CTNNA2: variants seen among roughly 807,000 people sequenced by gnomAD.
CTNNA2 encodes catenin alpha-2.
In CTNNA2, 42 loss-of-function variants were observed where a neutral mutation model predicts 101.0. That is an observed-to-expected ratio of 0.42 (90% CI 0.32 to 0.54). The LOEUF is 0.54. Among genes scored for constraint, CTNNA2 ranks in the 20% least tolerant of loss-of-function variants. The pLI, the probability that CTNNA2 is intolerant of heterozygous loss-of-function variation, is 0.14. For synonymous variants in CTNNA2, 450 were observed against 456.4 expected (o/e 0.99, Z 0.18); for missense variants, 871 against 1,223.1 (o/e 0.71, Z 4.29).
At chr2:80,596,290 T>TTTG in intron 15 of CTNNA2, among the ~76,000 whole-genome samples, 1 of 37,634 alleles carries the variant, frequency 2.7e-5, no homozygotes, top group Non-Finnish European at 5.0e-5. Context: ...TTTTTTTTTT[T>TTTG]TTTTTTTTTT....
intron 2 of CTNNA2, among the ~76,000 whole-genome samples, chr2:79,204,762 T>C (rs1674080012): frequency 6.6e-6 from 1 of 152,174 alleles, no homozygotes; most frequent in South Asian, 2.1e-4. Context: ...GATGGTGCCT[T>C]GATTGTTGCA....
intron 7 of CTNNA2, among the ~76,000 whole-genome samples, chr2:79,977,191 C>T (rs974813985): frequency 9.3e-5 from 14 of 151,218 alleles, no homozygotes; most frequent in African/African-American, 3.2e-4. Context: ...TAATTGCAAA[C>T]GTACACACAC....
In CTNNA2 at chr2:79,204,072, C is replaced by T. The variant is rs146920942; in HGVS notation, c.-406+5996C>T. ...TTTCTTCCCTATTAAGGAAATGCTT[C>T]AGCATTTAAAGTAATAATAATGGGA... On this transcript the variant is annotated intron_variant, in intron 2 of 21. Transcript: ENST00000466387. 2.8e-3 allele frequency among the ~76,000 whole-genome samples: 429 copies of T among 152,318 alleles called. 1 individual carries two copies. Among genetic ancestry groups the T allele is most frequent in the African/African-American group, 9.9e-3 (413 of 41,572 alleles).
At chr2:80,321,425 A>G (rs1189318255) in intron 7 of CTNNA2, among the ~76,000 whole-genome samples, 1 of 152,222 alleles carries the variant, frequency 6.6e-6, no homozygotes, top group African/African-American at 2.4e-5. Flanking sequence ...GTGTATATTG[A>G]ACGGAGTACA....
intron 7 of CTNNA2, among the ~76,000 whole-genome samples, chr2:80,179,855 G>C (rs965109196): frequency 1.4e-4 from 22 of 152,146 alleles, no homozygotes; most frequent in Non-Finnish European, 1.0e-4. Context: ...CCAATGTGGG[G>C]GTTCTGCCAG....
intron 7 of CTNNA2, among the ~76,000 whole-genome samples, chr2:79,935,794 A>G (rs1414234794): frequency 6.6e-6 from 1 of 152,260 alleles, no homozygotes; most frequent in Non-Finnish European, 1.5e-5. Context: ...GCAGTAATAA[A>G]TAATACACCT....
At position 80,101,552 on chromosome 2, in the gene CTNNA2, A is replaced by G. The variant is rs78710163; in HGVS notation, c.1056+191755A>G. Among the ~76,000 whole-genome samples the G allele has an allele frequency of 4.5e-4, 69 of 152,280 alleles. No homozygotes were observed. The East Asian group carries it at 0.013, about 29-fold the overall frequency. Reference sequence around the variant, plus strand: ...GTCTATGCGTGATAGCCTAATCCCAATTCTCCTCCTAATAGCGAAAGGAAG... The same window carrying G: ...GTCTATGCGTGATAGCCTAATCCCAGTTCTCCTCCTAATAGCGAAAGGAAG... On this transcript the variant is annotated intron_variant, in intron 7 of 18. Coordinates refer to ENST00000402739, the MANE Select transcript of CTNNA2 (RefSeq NM_001282597.3).
At chr2:80,589,593 A>G in intron 15 of CTNNA2, 108 bp downstream of exon 15, 1 of 988,556 alleles carries the variant, frequency 1.0e-6, no homozygotes, top group South Asian at 1.8e-5. Flanking sequence ...TACCAACGCA[A>G]GGTGGTGGTA....
At chr2:80,255,601 G>A (rs1476549873) in intron 7 of CTNNA2, among the ~76,000 whole-genome samples, 1 of 152,136 alleles carries the variant, frequency 6.6e-6, no homozygotes. Context: ...CGCGGGCCTT[G>A]TCTTGAGATT....
chr2:79,682,083 G>A (rs939564913), intron 2 of CTNNA2, among the ~76,000 whole-genome samples: 3 of 151,786 alleles, frequency 2.0e-5, no homozygotes, highest in Non-Finnish European at 4.4e-5. Context: ...AACTTTTTAG[G>A]CTGAATATTT....
chr2:79,549,289 A>C (rs1429068881), intron 1 of CTNNA2, among the ~76,000 whole-genome samples: 1 of 152,158 alleles, frequency 6.6e-6, no homozygotes, highest in Non-Finnish European at 1.5e-5. Flanking sequence ...GGTTCCTATA[A>C]CTTTCATGCC....
At chr2:79,923,678 C>T (rs952534290) in intron 7 of CTNNA2, among the ~76,000 whole-genome samples, 9 of 152,124 alleles carry the variant, frequency 5.9e-5, no homozygotes, top group East Asian at 5.8e-4. Flanking sequence ...TGCTGTGAAA[C>T]GGATCACTAA....
chr2:79,602,324 T>A (rs1023918037), intron 1 of CTNNA2, among the ~76,000 whole-genome samples: 1 of 152,044 alleles, frequency 6.6e-6, no homozygotes, highest in Non-Finnish European at 1.5e-5. Flanking sequence ...AAGTACTTGA[T>A]AAAATTCAGT....
At chr2:80,146,726 T>A (rs868345168) in intron 7 of CTNNA2, among the ~76,000 whole-genome samples, 1 of 113,254 alleles carries the variant, frequency 8.8e-6, no homozygotes, top group South Asian at 3.5e-4. Context: ...TTTTTTTTTT[T>A]TTTTTTTTTT....
intron 2 of CTNNA2, among the ~76,000 whole-genome samples, chr2:79,264,703 G>A (rs564380722): frequency 1.3e-4 from 19 of 150,652 alleles, no homozygotes; most frequent in Non-Finnish European, 1.8e-4. Flanking sequence ...AGGTACCCTC[G>A]TCCTCATACT....
chr2:80,646,040 G>C (rs755239740), intron 18 of CTNNA2, among the ~76,000 whole-genome samples: 3 of 152,112 alleles, frequency 2.0e-5, no homozygotes, highest in Admixed American at 1.3e-4. Flanking sequence ...GCAGCCAAAG[G>C]AACAGTATCA....
At chr2:79,692,353 T>C (rs1193018079) in intron 2 of CTNNA2, among the ~76,000 whole-genome samples, 1 of 152,082 alleles carries the variant, frequency 6.6e-6, no homozygotes. Context: ...TGGTGATCAT[T>C]AAAAAGTCAG....
intron 2 of CTNNA2, among the ~76,000 whole-genome samples, chr2:79,221,700 A>G (rs1674347411): frequency 6.6e-6 from 1 of 152,070 alleles, no homozygotes; most frequent in Non-Finnish European, 1.5e-5. Flanking sequence ...AATTTATTAG[A>G]TCTATTAATA....
intron 9 of CTNNA2, among the ~76,000 whole-genome samples, chr2:80,453,507 GA>G (rs1683702750): frequency 6.6e-6 from 1 of 152,004 alleles, no homozygotes; most frequent in Non-Finnish European, 1.5e-5. Context: ...CATGGTTAGT[GA>G]TTTCTCCATG....
Sources: gnomAD v4.1 joint callset for allele counts (sites outside exome capture counted in the v4.1 genomes callset) on GRCh38, gnomAD v4.1.1 for gene constraint, MANE v1.5 for transcripts, NCBI Gene and HGNC (gene_info 2026-07-23, HGNC 2026-07-21) for gene names.